The following NRF1 variants were observed in gnomAD, a reference collection of about 807,000 sequenced individuals.
NRF1 encodes nuclear respiratory factor 1, also known as alpha palindromic-binding protein.
Under a neutral mutation model 58.5 loss-of-function variants are expected in NRF1, and 5 were observed. The ratio of observed to expected loss-of-function variants is 0.09; its 90% CI spans 0.04 to 0.18. NRF1 has a LOEUF of 0.18. Among genes scored for constraint, NRF1 ranks in the 10% least tolerant of loss-of-function variants. The probability of loss-of-function intolerance (pLI) is 1.00; values close to 1 mark genes in which losing one functional copy is unlikely to be tolerated. For missense variants in NRF1, 288 were observed against 657.7 expected (o/e 0.44, Z 6.15); for synonymous variants, 224 against 246.7 (o/e 0.91, Z 0.86).
chr7:129,722,178 T>A (rs1255240513), intron 9 of NRF1, among the ~76,000 whole-genome samples: 1 of 152,150 alleles, frequency 6.6e-6, no homozygotes, highest in African/African-American at 2.4e-5. Flanking sequence ...GTGAATCACC[T>A]GTGGTCAGGA....
intron 2 of NRF1, among the ~76,000 whole-genome samples, chr7:129,664,380 A>G (rs906825838): frequency 6.6e-6 from 1 of 152,222 alleles, no homozygotes; most frequent in African/African-American, 2.4e-5. Context: ...TAGACAAGAA[A>G]TTAATGATGA....
At chr7:129,632,547 C>T (rs551667035) in intron 1 of NRF1, among the ~76,000 whole-genome samples, 1 of 152,112 alleles carries the variant, frequency 6.6e-6, no homozygotes, top group South Asian at 2.1e-4. Context: ...TAGTCCTCTC[C>T]CTTCCCAGCT....
At chr7:129,662,740 GTTTATTTATTTA>G (rs558542957) in intron 2 of NRF1, among the ~76,000 whole-genome samples, 1 of 151,876 alleles carries the variant, frequency 6.6e-6, no homozygotes, top group African/African-American at 2.4e-5. Flanking sequence ...CCAATTTAAG[GTTTATTTATTTA>G]TTTATTTATT....
chr7:129,709,308 A>G lies in NRF1; in HGVS notation c.765+75A>G, dbSNP rs1002374700. ...AACCACCTCAATTTTTGTCATTTCT[A>G]CATCTTGTGCTAGAAAGTCTTTGTG... On this transcript the variant is annotated intron_variant, in intron 6 of 10. Transcript: ENST00000393232. 12 of 1,283,996 alleles carry G rather than the reference A, an allele frequency of 9.3e-6. No individual in the cohort carries two copies. In the African/African-American group the frequency reaches 1.7e-4, roughly 18 times the overall value. The allele number at this position is 1,283,996 out of a possible 1,614,324, so 79.5% of individuals were successfully genotyped here.
intron 10 of NRF1, among the ~76,000 whole-genome samples, chr7:129,735,615 G>A (rs865897367): frequency 4.6e-5 from 7 of 151,772 alleles, no homozygotes; most frequent in Admixed American, 2.0e-4. Context: ...ACAGCCCTTC[G>A]CAAGTATCCT....
Position 129,720,550 on chromosome 7 carries a change from A to T in NRF1, c.1223+3174A>T, listed in dbSNP as rs112074531. Among the ~76,000 whole-genome samples, 1,437 of 152,306 alleles carry T rather than the reference A, an allele frequency of 9.4e-3. 14 individuals carry two copies. Among genetic ancestry groups the T allele is most frequent in the Non-Finnish European group, 0.015 (1,041 of 68,024 alleles). ...CTCTGTTTTGGGTGCAGATAAAACA[A>T]GCATGGTTCTCTAATAACCACCTGC... On this transcript the variant is annotated intron_variant, in intron 9 of 10. Transcript: ENST00000393232.
intron 1 of NRF1, among the ~76,000 whole-genome samples, chr7:129,652,463 A>G (rs1801558349): frequency 6.6e-6 from 1 of 152,198 alleles, no homozygotes; most frequent in South Asian, 2.1e-4. Context: ...TACCTTCAAG[A>G]GTTTGTTATT....
intron 3 of NRF1, among the ~76,000 whole-genome samples, chr7:129,676,721 ATGCTG>A (rs1802188307): frequency 6.6e-6 from 1 of 152,236 alleles, no homozygotes; most frequent in Non-Finnish European, 1.5e-5. Flanking sequence ...AAGTGAGCAC[ATGCTG>A]TTGGAAAAAA....
At chr7:129,638,577 G>A (rs910934277) in intron 1 of NRF1, among the ~76,000 whole-genome samples, 2 of 152,160 alleles carry the variant, frequency 1.3e-5, no homozygotes, top group African/African-American at 2.4e-5. Flanking sequence ...ATTACACTGA[G>A]AAAGTGGTAT....
intron 10 of NRF1, among the ~76,000 whole-genome samples, chr7:129,746,946 AAAC>A (rs1315334669): frequency 2.6e-5 from 4 of 152,342 alleles, no homozygotes; most frequent in South Asian, 2.1e-4. Flanking sequence ...CAGTTACAGC[AAAC>A]AACAATTCCC....
chr7:129,643,483 G>A (rs1481127529), intron 1 of NRF1, among the ~76,000 whole-genome samples: 1 of 152,148 alleles, frequency 6.6e-6, no homozygotes, highest in African/African-American at 2.4e-5. Context: ...TTGATTTTTG[G>A]TAATTTGGGA....
chr7:129,699,718 G>C (rs147026803), intron 5 of NRF1, among the ~76,000 whole-genome samples: 6,447 of 151,364 alleles, frequency 0.043, 167 homozygotes, highest in Middle Eastern at 0.12. Context: ...GTGACAGAGA[G>C]AGACTCCATC....
chr7:129,683,318 T>TGA (rs1281080098), intron 4 of NRF1, among the ~76,000 whole-genome samples: 86 of 140,630 alleles, frequency 6.1e-4, no homozygotes, highest in South Asian at 5.4e-3. Flanking sequence ...TGTGTGTGTG[T>TGA]GTGAGAGAGA....
In NRF1 at chr7:129,705,762, AAAAAG is replaced by A. The variant is rs1488059628; in HGVS notation, c.607-3305_607-3301del. ...GAGACCCCTTCTCTACAAAAAGAAA[AAAAAG>A]AAAAGAAGGAAAAGTAAAGAAAAAA... On this transcript the variant is annotated intron_variant, in intron 5 of 10. Coordinates refer to ENST00000393232, the MANE Select transcript of NRF1 (RefSeq NM_005011.5). Among the ~76,000 whole-genome samples the A allele has an allele frequency of 2.0e-4, 30 of 152,278 alleles. No individual in the cohort carries two copies. In the East Asian group the frequency reaches 5.8e-3, roughly 29 times the overall value.
intron 8 of NRF1, among the ~76,000 whole-genome samples, chr7:129,713,476 AT>A (rs1803122865): frequency 6.6e-6 from 1 of 152,224 alleles, no homozygotes; most frequent in South Asian, 2.1e-4. Flanking sequence ...TGCATAACTC[AT>A]TTTAGGTGCA....
chr7:129,641,457 G>A (rs1801287385), intron 1 of NRF1, among the ~76,000 whole-genome samples: 1 of 151,944 alleles, frequency 6.6e-6, no homozygotes, highest in Non-Finnish European at 1.5e-5. Context: ...CTTGCATATT[G>A]TCTAGGTTAT....
chr7:129,653,567 A>G (rs1015334525), intron 1 of NRF1, among the ~76,000 whole-genome samples: 1 of 152,244 alleles, frequency 6.6e-6, no homozygotes, highest in African/African-American at 2.4e-5. Flanking sequence ...GAACAAATGT[A>G]TAACCCATAT....
intron 5 of NRF1, among the ~76,000 whole-genome samples, chr7:129,703,325 C>T (rs1342809048): frequency 6.6e-6 from 1 of 152,178 alleles, no homozygotes; most frequent in Non-Finnish European, 1.5e-5. Flanking sequence ...TAGGCTTTAG[C>T]TTTGCTGATC....
At chr7:129,676,059 G>A (rs1024880215) in intron 3 of NRF1, among the ~76,000 whole-genome samples, 2 of 152,200 alleles carry the variant, frequency 1.3e-5, no homozygotes, top group East Asian at 3.9e-4. Flanking sequence ...ATGTAATGGA[G>A]ATGGCTTCTT....
Sources: allele counts gnomAD v4.1 joint callset (sites outside exome capture counted in the v4.1 genomes callset), GRCh38; gene constraint gnomAD v4.1.1; transcripts MANE v1.5; gene names NCBI Gene and HGNC (gene_info 2026-07-23, HGNC 2026-07-21).